Variants in EPHA7 observed in about 807,000 individuals in gnomAD.
EPHA7 encodes the protein EPH receptor A7, also known as ephrin type-A receptor 7.
A neutral mutation model predicts 112.6 loss-of-function variants in EPHA7; 25 were observed. That is an observed-to-expected ratio of 0.22 (90% CI 0.16 to 0.31). The LOEUF (loss-of-function observed/expected upper bound fraction) is 0.31. Among genes scored for constraint, EPHA7 ranks in the 10% least tolerant of loss-of-function variants. The probability of loss-of-function intolerance (pLI) is 1.00; values close to 1 mark genes in which losing one functional copy is unlikely to be tolerated. For synonymous variants in EPHA7, 437 were observed against 406.5 expected (o/e 1.07, Z -0.90); for missense variants, 962 against 1,212.6 (o/e 0.79, Z 3.07).
chr6:93,296,454 A>T (rs9363056), intron 5 of EPHA7, among the ~76,000 whole-genome samples: 5 of 85,150 alleles, frequency 5.9e-5, no homozygotes, highest in Non-Finnish European at 1.1e-4. Context: ...TATATATATA[A>T]ATATATATAT....
intron 2 of EPHA7, among the ~76,000 whole-genome samples, chr6:93,413,798 T>C (rs1327089183): frequency 6.6e-6 from 1 of 151,922 alleles, no homozygotes; most frequent in Non-Finnish European, 1.5e-5. Flanking sequence ...GATTTTATGA[T>C]CTCAACAATC....
At chr6:93,289,647 T>A (rs1049964525) in intron 5 of EPHA7, among the ~76,000 whole-genome samples, 4 of 151,850 alleles carry the variant, frequency 2.6e-5, no homozygotes, top group East Asian at 3.9e-4. Flanking sequence ...AATAAAAAAA[T>A]AAGAAAGTAT....
chr6:93,328,289 C>T (rs1047643347), intron 5 of EPHA7, among the ~76,000 whole-genome samples: 9 of 151,430 alleles, frequency 5.9e-5, no homozygotes, highest in African/African-American at 2.2e-4. Flanking sequence ...ATATTTTACA[C>T]ATTTAGTATA....
chr6:93,389,254 T>C (rs570583367), intron 3 of EPHA7, among the ~76,000 whole-genome samples: 48 of 152,240 alleles, frequency 3.2e-4, no homozygotes, highest in African/African-American at 1.1e-3. Context: ...CTCATTTTTA[T>C]GCATATTTAT....
chr6:93,412,290 G>A (rs569293882), intron 2 of EPHA7, among the ~76,000 whole-genome samples: 1 of 141,610 alleles, frequency 7.1e-6, no homozygotes, highest in East Asian at 2.1e-4. Flanking sequence ...ATTGTTTCAA[G>A]AAAAGATGAG....
rs1173589558 is a variant in EPHA7, at chr6:93,263,992, TACTC to T, written c.1743-81_1743-78del. ...AATATTCAGTACAATGTACCTTAGT[TACTC>T]AACAACTTACTAGAGTTAAATTTAC... On this transcript the variant is annotated intron_variant, in intron 8 of 16. Transcript: ENST00000369303. The T allele has an allele frequency of 8.4e-6, 9 of 1,073,208 alleles. No individual in the cohort carries two copies. In the African/African-American group the frequency reaches 9.7e-5, roughly 12 times the overall value. 66.5% of individuals were successfully genotyped at this position (1,073,208 alleles called of 1,614,324 possible). A position where few individuals can be genotyped will look rare whatever the true frequency, so the allele number is the denominator to read the frequency against.
At chr6:93,324,620 A>C (rs1296055890) in intron 5 of EPHA7, among the ~76,000 whole-genome samples, 1 of 151,406 alleles carries the variant, frequency 6.6e-6, no homozygotes. Context: ...CAGTTGCCAC[A>C]CTCTAAAAAA....
chr6:93,284,721 T>G (rs537062832), intron 5 of EPHA7, among the ~76,000 whole-genome samples: 1 of 151,990 alleles, frequency 6.6e-6, no homozygotes, highest in African/African-American at 2.4e-5. Flanking sequence ...CTGGAAACCA[T>G]CATTCTCAGA....
chr6:93,252,190 C>T (rs1770248240), intron 14 of EPHA7, among the ~76,000 whole-genome samples: 1 of 151,944 alleles, frequency 6.6e-6, no homozygotes, highest in Non-Finnish European at 1.5e-5. Flanking sequence ...CAGCATTCAG[C>T]CTGGAACTGT....
intron 3 of EPHA7, among the ~76,000 whole-genome samples, chr6:93,383,505 C>G (rs1777452146): frequency 6.6e-6 from 1 of 151,970 alleles, no homozygotes; most frequent in Non-Finnish European, 1.5e-5. Flanking sequence ...TGAACTCTTG[C>G]ACTTCACCAA....
intron 5 of EPHA7, among the ~76,000 whole-genome samples, chr6:93,284,852 G>T (rs1243669880): frequency 6.6e-6 from 1 of 151,440 alleles, no homozygotes; most frequent in East Asian, 2.0e-4. Flanking sequence ...GTTGGGGGGT[G>T]GGGGGCTAGG....
At chr6:93,409,699 A>C (rs1309025518) in intron 3 of EPHA7, 1 of 151,896 alleles carries the variant, frequency 6.6e-6, no homozygotes, top group Non-Finnish European at 1.5e-5. Context: ...GAAACAGAAT[A>C]TCTATCAATC....
intron 5 of EPHA7, among the ~76,000 whole-genome samples, chr6:93,352,555 C>T (rs1035726341): frequency 1.3e-5 from 2 of 151,990 alleles, no homozygotes; most frequent in African/African-American, 4.8e-5. Flanking sequence ...ATTTTGTTCC[C>T]AATGTTGTTC....
chr6:93,304,566 G>A (rs2127854484), intron 5 of EPHA7, among the ~76,000 whole-genome samples: 1 of 152,160 alleles, frequency 6.6e-6, no homozygotes, highest in South Asian at 2.1e-4. Context: ...ATATAATCAG[G>A]TTAGGAAAGT....
intron 3 of EPHA7, among the ~76,000 whole-genome samples, chr6:93,373,104 T>C (rs1469140460): frequency 6.6e-6 from 1 of 152,032 alleles, no homozygotes; most frequent in Non-Finnish European, 1.5e-5. Context: ...GATACATGAT[T>C]ATATAACAGA....
At position 93,419,532 on chromosome 6, in the gene EPHA7, G is replaced by A; in HGVS notation, c.-191C>T. 2 of 540,340 alleles carry A rather than the reference G, an allele frequency of 3.7e-6. No individual in the cohort carries two copies. The highest frequency in any genetic ancestry group is 2.5e-5 in the South Asian group (1 of 39,672). The allele number at this position is 540,340 out of a possible 1,614,324, so 33.5% of individuals were successfully genotyped here. ...ACTCCTGTTCGCTCGCACCGTGTTT[G>A]CTGCCTGCAAGTCTCCGACTGCAGA... On this transcript the variant is annotated 5_prime_UTR_variant, in exon 1 of 17. Coordinates refer to ENST00000369303, the MANE Select transcript of EPHA7 (RefSeq NM_004440.4).
chr6:93,392,824 T>C (rs1420501884), intron 3 of EPHA7, among the ~76,000 whole-genome samples: 1 of 151,888 alleles, frequency 6.6e-6, no homozygotes, highest in Non-Finnish European at 1.5e-5. Context: ...TCTATTTTGA[T>C]ATATTTTTCA....
chr6:93,254,068 G>T (rs945637869), intron 14 of EPHA7, among the ~76,000 whole-genome samples: 1 of 151,742 alleles, frequency 6.6e-6, no homozygotes, highest in Non-Finnish European at 1.5e-5. Context: ...TGGCAACAGG[G>T]TATGTACATT....
intron 5 of EPHA7, among the ~76,000 whole-genome samples, chr6:93,333,043 C>T (rs1161444868): frequency 6.6e-6 from 1 of 151,608 alleles, no homozygotes; most frequent in African/African-American, 2.4e-5. Context: ...TCCAAAACTC[C>T]ACCCTCAAGT....
Sources: allele counts gnomAD v4.1 joint callset (sites outside exome capture counted in the v4.1 genomes callset), GRCh38; gene constraint gnomAD v4.1.1; transcripts MANE v1.5; gene names NCBI Gene and HGNC (gene_info 2026-07-23, HGNC 2026-07-21).